NACC2: variants seen among roughly 807,000 people sequenced by gnomAD.
NACC2 encodes the protein nucleus accumbens-associated protein 2.
Under a neutral mutation model 25.1 loss-of-function variants are expected in NACC2, and 8 were observed. The ratio of observed to expected loss-of-function variants is 0.32; its 90% CI spans 0.19 to 0.57. The LOEUF (loss-of-function observed/expected upper bound fraction) is 0.57. Among genes scored for constraint, NACC2 ranks in the 20% least tolerant of loss-of-function variants. The pLI is 0.89. For missense variants in NACC2, 644 were observed against 650.2 expected (o/e 0.99, Z 0.10); for synonymous variants, 435 against 294.7 (o/e 1.48, Z -4.88).
intron 2 of NACC2, 115 bp from the exon 3 acceptor site, chr9:136,016,544 C>G (rs923448259): frequency 4.7e-5 from 62 of 1,305,584 alleles, no homozygotes; most frequent in Middle Eastern, 2.7e-4. Context: ...CTCTGCCCAC[C>G]TGGGCCCAGG....
At position 136,012,083 on chromosome 9, in the gene NACC2, C is replaced by A; in HGVS notation, c.1256-59G>T. Reference sequence around the variant, plus strand: ...TGCCTGCCGGGAGGCCCGCCCCTCCCCAAGGCCACAGAACCATGATGCCCT... The same window carrying A: ...TGCCTGCCGGGAGGCCCGCCCCTCCACAAGGCCACAGAACCATGATGCCCT... On this transcript the variant is annotated intron_variant, in intron 5 of 5. Transcript: ENST00000277554. 5 of 1,460,574 alleles carry A rather than the reference C, an allele frequency of 3.4e-6. No individual in the cohort carries two copies. In the South Asian group the frequency reaches 6.9e-5, roughly 20 times the overall value. 90.5% of individuals were successfully genotyped at this position (1,460,574 alleles called of 1,614,324 possible). A position where few individuals can be genotyped will look rare whatever the true frequency, so the allele number is the denominator to read the frequency against.
At chr9:136,030,157 G>A (rs1000381869) in intron 2 of NACC2, among the ~76,000 whole-genome samples, 7 of 152,136 alleles carry the variant, frequency 4.6e-5, no homozygotes, top group Admixed American at 6.5e-5. Context: ...TTACAGGCAT[G>A]AGACACCACA....
chr9:136,053,796 A>G (rs1309041211), intron 1 of NACC2, among the ~76,000 whole-genome samples: 1 of 152,190 alleles, frequency 6.6e-6, no homozygotes, highest in Non-Finnish European at 1.5e-5. Flanking sequence ...GGGCTTTTGT[A>G]CCAAAAGAGG....
intron 1 of NACC2, among the ~76,000 whole-genome samples, chr9:136,070,787 C>CA (rs1841141985): frequency 6.6e-6 from 1 of 150,978 alleles, no homozygotes. Flanking sequence ...ATCAATGAAA[C>CA]AGCTGGGTTT....
At position 136,022,341 on chromosome 9, in the gene NACC2, G is replaced by A. The variant is rs1347042723; in HGVS notation, c.887-5912C>T. On this transcript the variant is annotated intron_variant, in intron 2 of 5. Transcript: ENST00000277554. The surrounding 1 kb of genome is among the most constrained non-coding windows in gnomAD (Gnocchi z 4.4). ...CCACATGGGGCTGTGTCCCACCCCCGAAAGCACACAGGTGTGGACTCAACA... is the reference window on the plus strand; with the variant it reads ...CCACATGGGGCTGTGTCCCACCCCCAAAAGCACACAGGTGTGGACTCAACA... 1.3e-5 allele frequency among the ~76,000 whole-genome samples: 2 copies of A among 152,280 alleles called. No homozygotes were observed. The highest frequency in any genetic ancestry group is 4.8e-5 in the African/African-American group (2 of 41,548).
intron 1 of NACC2, among the ~76,000 whole-genome samples, chr9:136,083,795 C>T (rs987486509): frequency 2.0e-5 from 3 of 152,358 alleles, no homozygotes; most frequent in South Asian, 2.1e-4. Context: ...TGGCACGTTC[C>T]GGCCGCCCAC....
At chr9:136,045,674 C>T (rs1458765588) in intron 2 of NACC2, among the ~76,000 whole-genome samples, 9 of 152,180 alleles carry the variant, frequency 5.9e-5, no homozygotes, top group Admixed American at 5.2e-4. Flanking sequence ...CCCTGTCCCT[C>T]GACCTCAGCG....
chr9:136,024,169 TGTGTGTGTGAGGACGGA>T (rs1266155818), intron 2 of NACC2, among the ~76,000 whole-genome samples: 4 of 135,774 alleles, frequency 2.9e-5, no homozygotes, highest in Non-Finnish European at 6.3e-5. Flanking sequence ...TGTGTGTGTG[TGTGTGTGTGAGGACGGA>T]GTGTGTGTGT....
chr9:136,078,310 T>A (rs1415291785), intron 1 of NACC2, among the ~76,000 whole-genome samples: 1 of 152,090 alleles, frequency 6.6e-6, no homozygotes, highest in East Asian at 1.9e-4. Flanking sequence ...CGAAGCTCAG[T>A]CCCTCGGAAT....
intron 2 of NACC2, among the ~76,000 whole-genome samples, chr9:136,046,956 G>A (rs1297314430): frequency 6.6e-6 from 1 of 152,196 alleles, no homozygotes; most frequent in Non-Finnish European, 1.5e-5. Flanking sequence ...ACGCGAGAGA[G>A]GGTGGAACAG....
chr9:136,090,441 G>A (rs577024541), intron 1 of NACC2, among the ~76,000 whole-genome samples: 5 of 152,334 alleles, frequency 3.3e-5, no homozygotes, highest in African/African-American at 9.6e-5. Context: ...CCCACTGGGC[G>A]GAAGCCCCAG....
chr9:136,067,825 G>A (rs12685145), intron 1 of NACC2, among the ~76,000 whole-genome samples: 29,543 of 152,174 alleles, frequency 0.19, 2,946 homozygotes, highest in Middle Eastern at 0.27. Flanking sequence ...AGGGCGAGAC[G>A]CCATCTCAAA....
chr9:136,078,757 G>A (rs985229178), intron 1 of NACC2, among the ~76,000 whole-genome samples: 1 of 152,228 alleles, frequency 6.6e-6, no homozygotes, highest in Non-Finnish European at 1.5e-5. Flanking sequence ...CTGTCATCAC[G>A]AGTGTGGCAC....
chr9:136,042,073 C>T (rs1020464134), intron 2 of NACC2, among the ~76,000 whole-genome samples: 5 of 152,270 alleles, frequency 3.3e-5, no homozygotes, highest in Admixed American at 1.3e-4. Context: ...ACTATAACCT[C>T]CACCTCCTGG....
In NACC2 at chr9:136,020,543, G is replaced by A. The variant is rs550351400; in HGVS notation, c.887-4114C>T. On this transcript the variant is annotated intron_variant, in intron 2 of 5. Transcript: ENST00000277554. This position sits in a 1 kb window ranked among gnomAD's most constrained non-coding sequence, Gnocchi z 4.7. ...TGGTGGAGCCCAGCAGAGCCTCGGC[G>A]GGGGTAGGAGGGAGACGGGGAGGCC... Among the ~76,000 whole-genome samples the A allele has an allele frequency of 2.6e-5, 4 of 152,334 alleles. No individual in the cohort carries two copies. Among genetic ancestry groups the A allele is most frequent in the South Asian group, 4.1e-4 (2 of 4,826 alleles).
rs533493766 is a variant in NACC2, at chr9:136,059,595, C to T, written c.-59-9015G>A. 1.3e-3 allele frequency among the ~76,000 whole-genome samples: 191 copies of T among 152,318 alleles called. 2 individuals carry two copies. The South Asian group carries it at 0.032, about 26-fold the overall frequency. On this transcript the variant is annotated intron_variant, in intron 1 of 5. Coordinates refer to ENST00000277554, the MANE Select transcript of NACC2 (RefSeq NM_144653.5). ...AAAAGGCAAGTCCCTCCTCCAGCAA[C>T]GCGTCCAGGTCAGCAGGCCCAGCAA...
intron 2 of NACC2, among the ~76,000 whole-genome samples, chr9:136,043,139 C>G (rs1193377208): frequency 6.6e-6 from 1 of 152,172 alleles, no homozygotes; most frequent in Admixed American, 6.5e-5. Flanking sequence ...TGATCTTCAT[C>G]AAAATTTAAA....
At chr9:136,038,238 A>AT (rs950362943) in intron 2 of NACC2, among the ~76,000 whole-genome samples, 1 of 152,134 alleles carries the variant, frequency 6.6e-6, no homozygotes, top group Non-Finnish European at 1.5e-5. Flanking sequence ...GACTATACGT[A>AT]TTTTTTTAAA....
chr9:136,087,175 G>A (rs1330527772), intron 1 of NACC2, among the ~76,000 whole-genome samples: 4 of 152,146 alleles, frequency 2.6e-5, no homozygotes, highest in African/African-American at 9.7e-5. Context: ...GCTGGAGGGC[G>A]GCATGTGACA....
Sources: allele counts gnomAD v4.1 joint callset (sites outside exome capture counted in the v4.1 genomes callset), GRCh38; gene constraint gnomAD v4.1.1; non-coding constraint Gnocchi (gnomAD v3.1); transcripts MANE v1.5; gene names NCBI Gene and HGNC (gene_info 2026-07-23, HGNC 2026-07-21).